Variants in KALRN observed in about 807,000 individuals in gnomAD.
The protein encoded by KALRN is kalirin RhoGEF kinase, also known as kalirin.
A neutral mutation model predicts 353.7 loss-of-function variants in KALRN; 70 were observed. The observed-to-expected ratio is 0.20, with a 90% CI of 0.16 to 0.24. The LOEUF is 0.24. Among genes scored for constraint, KALRN ranks in the 10% least tolerant of loss-of-function variants. KALRN has a pLI of 1.00. For missense variants in KALRN, 2,791 were observed against 3,756.7 expected (o/e 0.74, Z 6.72); for synonymous variants, 1,391 against 1,434.8 (o/e 0.97, Z 0.69).
chr3:124,300,579 G>A (rs140849132), intron 6 of KALRN, among the ~76,000 whole-genome samples: 29 of 152,322 alleles, frequency 1.9e-4, no homozygotes, highest in African/African-American at 6.7e-4. Context: ...CATTCCGTTG[G>A]CCAACGCCAG....
chr3:124,647,545 T>C (rs747850078), intron 37 of KALRN, among the ~76,000 whole-genome samples: 2 of 152,204 alleles, frequency 1.3e-5, no homozygotes, highest in Non-Finnish European at 2.9e-5. Flanking sequence ...CCATTAAGTC[T>C]TTCCTTCTCC....
At chr3:124,511,122 T>G (rs1415928538) in intron 33 of KALRN, among the ~76,000 whole-genome samples, 1 of 151,762 alleles carries the variant, frequency 6.6e-6, no homozygotes, top group Admixed American at 6.6e-5. Flanking sequence ...ATTGCCCCTC[T>G]CCTCTCCCCT....
intron 5 of KALRN, among the ~76,000 whole-genome samples, chr3:124,285,567 C>G (rs1339836435): frequency 6.6e-6 from 1 of 152,154 alleles, no homozygotes; most frequent in African/African-American, 2.4e-5. Flanking sequence ...CAGAGTTTCA[C>G]TCTTGTTGCC....
chr3:124,067,751 A>ACT (rs2042495757), intron 1 of KALRN, among the ~76,000 whole-genome samples: 1 of 152,118 alleles, frequency 6.6e-6, no homozygotes, highest in Non-Finnish European at 1.5e-5. Flanking sequence ...CACAACACAC[A>ACT]CTCACTTTTT....
chr3:124,243,549 A>G (rs1051660001), intron 3 of KALRN, among the ~76,000 whole-genome samples: 3 of 152,304 alleles, frequency 2.0e-5, no homozygotes, highest in African/African-American at 7.2e-5. Flanking sequence ...AGTCTCCTTC[A>G]CATGCATATT....
intron 52 of KALRN, 125 bp from the exon 53 acceptor site, chr3:124,694,207 T>C: frequency 3.3e-6 from 3 of 902,574 alleles, no homozygotes; most frequent in Non-Finnish European, 5.3e-6. Flanking sequence ...ACCAGTGTTA[T>C]ACTGAAGGTT....
chr3:124,207,210 C>T (rs2076485832), intron 1 of KALRN, among the ~76,000 whole-genome samples: 1 of 152,220 alleles, frequency 6.6e-6, no homozygotes, highest in Non-Finnish European at 1.5e-5. Context: ...GCCATCACTC[C>T]ATTCCTGGCA....
rs2059198707 is a variant in KALRN, at chr3:124,455,342, C to T, written c.3718C>T (p.Leu1240=). ...GKYRYSLEKA[L]GVNTEDNKDL... ...GTACCGATACTCACTGGAGAAAGCC[C>T]TAGGAGTCAACACAGAGGTAGGCAG... Residue 1240 remains leucine (L), a synonymous_variant, in exon 22 of 60, where the codon CTA becomes TTA. Coordinates refer to ENST00000682506, the MANE Select transcript of KALRN (RefSeq NM_001388419.1). The T allele has an allele frequency of 1.9e-6, 3 of 1,614,068 alleles. No homozygotes were observed. The Admixed American group carries it at 5.0e-5, about 27-fold the overall frequency.
intron 1 of KALRN, among the ~76,000 whole-genome samples, chr3:124,198,025 AC>A (rs2075605887): frequency 6.6e-6 from 1 of 152,204 alleles, no homozygotes; most frequent in Non-Finnish European, 1.5e-5. Context: ...TTTTTAAAAA[AC>A]AATACCACAT....
chr3:124,121,879 C>T (rs1221832732), intron 1 of KALRN, among the ~76,000 whole-genome samples: 2 of 152,178 alleles, frequency 1.3e-5, no homozygotes, highest in East Asian at 1.9e-4. Context: ...TTAGCAGACA[C>T]TCAGAAAAAA....
intron 11 of KALRN, among the ~76,000 whole-genome samples, chr3:124,391,191 T>C (rs753556410): frequency 2.2e-4 from 33 of 150,714 alleles, no homozygotes; most frequent in Non-Finnish European, 3.7e-4. Context: ...AGAAGGGTCA[T>C]AGTATACATA....
chr3:124,382,746 G>A (rs1285221812), intron 10 of KALRN, among the ~76,000 whole-genome samples: 1 of 152,170 alleles, frequency 6.6e-6, no homozygotes, highest in Non-Finnish European at 1.5e-5. Flanking sequence ...ATTAAAGGTG[G>A]ACAATTTGAG....
chr3:124,260,370 C>T (rs963747061), intron 3 of KALRN, among the ~76,000 whole-genome samples: 1 of 152,192 alleles, frequency 6.6e-6, no homozygotes, highest in Admixed American at 6.5e-5. Context: ...CTCTGCCTGC[C>T]TTCTCTCTCC....
intron 6 of KALRN, among the ~76,000 whole-genome samples, chr3:124,314,935 G>A (rs536964557): frequency 1.1e-4 from 16 of 152,306 alleles, no homozygotes; most frequent in African/African-American, 3.6e-4. Flanking sequence ...ACAGATGTGA[G>A]CCACCATGCC....
chr3:124,496,934 G>T (rs2063917097), intron 33 of KALRN, among the ~76,000 whole-genome samples: 1 of 152,202 alleles, frequency 6.6e-6, no homozygotes. Context: ...TAGTGGAAAT[G>T]ATGCTTTCCT....
At chr3:124,407,844 G>C (rs2091737666) in intron 13 of KALRN, 1 of 152,182 alleles carries the variant, frequency 6.6e-6, no homozygotes, top group Admixed American at 6.5e-5. Flanking sequence ...GAGTGCAGTG[G>C]CACGATCTCG....
Position 124,264,492 on chromosome 3 carries a change from C to A in KALRN, c.264-6C>A. 6.2e-7 allele frequency: 1 copy of A among 1,613,132 alleles called. No individual in the cohort carries two copies. The highest frequency in any genetic ancestry group is 8.5e-7 in the Non-Finnish European group (1 of 1,179,504). Reference sequence around the variant, plus strand: ...GTGACCATACCGACCTCTGACCTCCCCACAGTGAGGACGTGTGCAAACGTG... The same window carrying A: ...GTGACCATACCGACCTCTGACCTCCACACAGTGAGGACGTGTGCAAACGTG... On this transcript the variant is annotated splice_region_variant and splice_polypyrimidine_tract_variant and intron_variant, in intron 3 of 59. Transcript: ENST00000682506.
Position 124,694,386 on chromosome 3 carries a change from C to G in KALRN, c.7460C>G (p.Thr2487Arg). ...GATGTGACCTGCTTGCTTGGGGACACAGTGATACTGCAGTGCAAAGTCTGT... is the reference window on the plus strand; with the variant it reads ...GATGTGACCTGCTTGCTTGGGGACAGAGTGATACTGCAGTGCAAAGTCTGT... ...LVDVTCLLGD[T>R]VILQCKVCGR... Residue 2487 changes from threonine (T) to arginine (R), a missense_variant, in exon 53 of 60, where the codon ACA becomes AGA. By Grantham distance (71) the Thr-to-Arg change is moderately conservative. Coordinates refer to ENST00000682506, the MANE Select transcript of KALRN (RefSeq NM_001388419.1). 3 of 1,614,222 alleles carry G rather than the reference C, an allele frequency of 1.9e-6. No homozygotes were observed. Among genetic ancestry groups the G allele is most frequent in the Non-Finnish European group, 2.5e-6 (3 of 1,180,034 alleles).
At chr3:124,186,071 A>G (rs991190604) in intron 1 of KALRN, among the ~76,000 whole-genome samples, 3 of 152,176 alleles carry the variant, frequency 2.0e-5, no homozygotes, top group African/African-American at 7.2e-5. Context: ...TTCAGGGCCC[A>G]GCTTTTTTAC....
Sources: gnomAD v4.1 joint callset for allele counts (sites outside exome capture counted in the v4.1 genomes callset) on GRCh38, gnomAD v4.1.1 for gene constraint, MANE v1.5 for transcripts, NCBI Gene and HGNC (gene_info 2026-07-23, HGNC 2026-07-21) for gene names.